The following COL24A1 variants were observed in gnomAD, a reference collection of about 807,000 sequenced individuals.
COL24A1 encodes the protein collagen type XXIV alpha 1 chain.
COL24A1 carries 224 observed loss-of-function variants against 253.9 expected under a neutral mutation model. That is an observed-to-expected ratio of 0.88 (90% CI 0.79 to 0.99). The LOEUF (loss-of-function observed/expected upper bound fraction) is 0.99, where lower values mean the gene tolerates loss of function less well. COL24A1 is among the 50% of genes least tolerant of loss of function. The pLI is 0.00. For synonymous variants in COL24A1, 685 were observed against 673.7 expected, an observed-to-expected ratio of 1.02 and a Z score of -0.26; for missense variants, 2,131 against 2,068.5, an observed-to-expected ratio of 1.03 and a Z score of -0.59.
At chr1:86,105,807 T>C (rs966781298) in intron 5 of COL24A1, among the ~76,000 whole-genome samples, 1 of 152,266 alleles carries the variant, frequency 6.6e-6, no homozygotes, top group South Asian at 2.1e-4. Context: ...AGGCCTGTGG[T>C]GAAAGCAGGT....
intron 5 of COL24A1, among the ~76,000 whole-genome samples, chr1:86,093,579 G>A (rs551317778): frequency 1.8e-4 from 27 of 152,130 alleles, no homozygotes; most frequent in Admixed American, 8.5e-4. Flanking sequence ...CATAGGCACA[G>A]GCAAAGATTT....
chr1:85,888,372 G>A (rs765356757), intron 32 of COL24A1, among the ~76,000 whole-genome samples: 4 of 151,958 alleles, frequency 2.6e-5, no homozygotes, highest in Non-Finnish European at 4.4e-5. Flanking sequence ...AAAAATGTTG[G>A]CAATAGCCCT....
At chr1:85,889,492 G>A (rs1682873854) in intron 32 of COL24A1, 68 bp downstream of exon 32, 1 of 1,317,868 alleles carries the variant, frequency 7.6e-7, no homozygotes, top group Non-Finnish European at 1.1e-6. Flanking sequence ...GCACAGCAGA[G>A]CAATAATGGA....
chr1:86,094,756 G>A (rs1448719141), intron 5 of COL24A1, among the ~76,000 whole-genome samples: 1 of 151,834 alleles, frequency 6.6e-6, no homozygotes, highest in Non-Finnish European at 1.5e-5. Flanking sequence ...CCTAAGAAAT[G>A]GCTTTGGTGA....
chr1:86,043,053 T>C (rs1044895950), intron 12 of COL24A1, among the ~76,000 whole-genome samples: 4 of 152,162 alleles, frequency 2.6e-5, no homozygotes, highest in Admixed American at 6.5e-5. Context: ...GTTAGACTGT[T>C]TCATATAATA....
At chr1:85,754,871 C>G (rs1666052650) in intron 55 of COL24A1, among the ~76,000 whole-genome samples, 1 of 151,942 alleles carries the variant, frequency 6.6e-6, no homozygotes, top group African/African-American at 2.4e-5. Context: ...TGATGAGAGT[C>G]TCAGAAGGGG....
intron 2 of COL24A1, among the ~76,000 whole-genome samples, chr1:86,135,534 T>G (rs1411297390): frequency 1.3e-5 from 2 of 152,006 alleles, no homozygotes; most frequent in East Asian, 3.9e-4. Context: ...TTCTTTAAAT[T>G]CATTTTTGTT....
intron 53 of COL24A1, among the ~76,000 whole-genome samples, chr1:85,773,854 C>A (rs571085196): frequency 6.6e-6 from 1 of 152,112 alleles, no homozygotes; most frequent in African/African-American, 2.4e-5. Context: ...TATTTGAATA[C>A]CCTTTATTTC....
chr1:85,921,751 C>T (rs1686526881), intron 24 of COL24A1, among the ~76,000 whole-genome samples: 1 of 152,168 alleles, frequency 6.6e-6, no homozygotes, highest in African/African-American at 2.4e-5. Context: ...CCACAGAGTG[C>T]CTCTTCCCCT....
intron 2 of COL24A1, among the ~76,000 whole-genome samples, chr1:86,137,271 A>C (rs929235460): frequency 1.3e-5 from 2 of 152,174 alleles, no homozygotes; most frequent in African/African-American, 4.8e-5. Flanking sequence ...GCACTATATT[A>C]GGTGCTTTAC....
intron 24 of COL24A1, among the ~76,000 whole-genome samples, chr1:85,917,068 G>C (rs899867438): frequency 2.6e-5 from 4 of 152,110 alleles, no homozygotes; most frequent in African/African-American, 4.8e-5. Flanking sequence ...CCAATACTGA[G>C]AAATAAACAG....
At chr1:85,803,585 C>A (rs1437454545) in intron 47 of COL24A1, among the ~76,000 whole-genome samples, 1 of 127,712 alleles carries the variant, frequency 7.8e-6, no homozygotes, top group East Asian at 2.9e-4. Context: ...TATAGGTTTG[C>A]ACTTTTTTTT....
At position 86,117,198 on chromosome 1, in the gene COL24A1, G is replaced by A. The variant is rs576544496; in HGVS notation, c.1492-1820C>T. Among the ~76,000 whole-genome samples, 12 of 152,308 alleles carry A rather than the reference G, an allele frequency of 7.9e-5. 1 individual carries two copies. The South Asian group carries it at 8.3e-4, about 11-fold the overall frequency. ...GGAAAGGCAGTTTGCTATGGCTTGC[G>A]TTTGTGTCCTCCCAAAATTCGTATG... On this transcript the variant is annotated intron_variant, in intron 3 of 59. Coordinates refer to ENST00000370571, the MANE Select transcript of COL24A1 (RefSeq NM_152890.7).
At chr1:85,869,849 A>G (rs12405499) in intron 35 of COL24A1, among the ~76,000 whole-genome samples, 57,082 of 152,030 alleles carry the variant, frequency 0.38, 11,728 homozygotes, top group East Asian at 0.57. Flanking sequence ...ACACAACGAT[A>G]TTAACCTTAG....
intron 20 of COL24A1, among the ~76,000 whole-genome samples, chr1:85,984,010 A>T (rs1224854579): frequency 6.6e-6 from 1 of 151,824 alleles, no homozygotes; most frequent in Non-Finnish European, 1.5e-5. Context: ...TCCAGTGGGT[A>T]GTAAGTACTA....
intron 2 of COL24A1, among the ~76,000 whole-genome samples, chr1:86,136,308 G>C (rs1217744354): frequency 6.6e-6 from 1 of 152,040 alleles, no homozygotes; most frequent in African/African-American, 2.4e-5. Flanking sequence ...ATATTTTGGG[G>C]TGTGTTTCTC....
At chr1:85,984,383 G>A (rs1035852182) in intron 20 of COL24A1, among the ~76,000 whole-genome samples, 2 of 151,610 alleles carry the variant, frequency 1.3e-5, no homozygotes, top group African/African-American at 2.4e-5. Flanking sequence ...CTTTTATATA[G>A]AACTTCTTAT....
intron 14 of COL24A1, among the ~76,000 whole-genome samples, chr1:86,024,933 G>T (rs2101398907): frequency 6.6e-6 from 1 of 152,102 alleles, no homozygotes; most frequent in African/African-American, 2.4e-5. Context: ...TCAGATGAAT[G>T]TACTTTGTAT....
chr1:86,065,000 C>T (rs1701366571), intron 7 of COL24A1, among the ~76,000 whole-genome samples: 1 of 152,144 alleles, frequency 6.6e-6, no homozygotes, highest in South Asian at 2.1e-4. Flanking sequence ...AAAATATCCA[C>T]AAAGCTAAGT....
Sources: allele counts gnomAD v4.1 joint callset (sites outside exome capture counted in the v4.1 genomes callset), GRCh38; gene constraint gnomAD v4.1.1; transcripts MANE v1.5; gene names NCBI Gene and HGNC (gene_info 2026-07-23, HGNC 2026-07-21).